The following PCDHA7 variants were observed in gnomAD, a reference collection of about 807,000 sequenced individuals.
The protein encoded by PCDHA7 is protocadherin alpha 7.
PCDHA7 carries 37 observed loss-of-function variants against 57.2 expected under a neutral mutation model. The observed-to-expected ratio is 0.65, with a 90% confidence interval of 0.50 to 0.85. PCDHA7 has a LOEUF of 0.85. Ranked by LOEUF, PCDHA7 falls within the 40% of genes least tolerant of loss-of-function variation. PCDHA7 has a pLI of 0.00. For missense variants in PCDHA7, 1,188 were observed against 1,241.8 expected, an observed-to-expected ratio of 0.96 and a Z score of 0.65; for synonymous variants, 553 against 558.8, an observed-to-expected ratio of 0.99 and a Z score of 0.15.
intron 1 of PCDHA7, chr5:140,877,395 C>T (rs375548936): frequency 4.3e-6 from 7 of 1,613,958 alleles, no homozygotes; most frequent in Middle Eastern, 1.6e-4. Flanking sequence ...ATGAGGCGGA[C>T]GCTCCGCGCC....
chr5:141,010,031 A>G lies in PCDHA7; in HGVS notation c.*94A>G, dbSNP rs113710382. The stretch of plus-strand genomic sequence containing the variant: ...TTCCCTGCTCCTTTTTCCTATCTAC[A>G]TGAGCCCTCTTAGAGACCTCAGAAA... On this transcript the variant is annotated 3_prime_UTR_variant, in exon 4 of 4. Transcript: ENST00000525929. 1.9e-6 allele frequency: 3 copies of G among 1,581,690 alleles called. No individual in the cohort carries two copies. The highest frequency in any genetic ancestry group is 2.6e-6 in the Non-Finnish European group (3 of 1,166,446).
At chr5:140,898,930 G>A (rs2067050521) in intron 1 of PCDHA7, among the ~76,000 whole-genome samples, 1 of 152,054 alleles carries the variant, frequency 6.6e-6, no homozygotes, top group African/African-American at 2.4e-5. Context: ...GGATTCCTAA[G>A]TATTTTATTC....
At chr5:140,883,244 G>C in intron 1 of PCDHA7, 3 of 1,614,014 alleles carry the variant, frequency 1.9e-6, no homozygotes, top group Non-Finnish European at 2.5e-6. Context: ...AGTTGACAAA[G>C]GAAATATTCC....
chr5:140,878,318 C>T (rs2057536608), intron 1 of PCDHA7, among the ~76,000 whole-genome samples: 1 of 152,176 alleles, frequency 6.6e-6, no homozygotes, highest in African/African-American at 2.4e-5. Context: ...TAGACATTTT[C>T]ACATTATATT....
intron 1 of PCDHA7, chr5:140,883,898 C>A (rs781898009): frequency 6.2e-7 from 1 of 1,613,344 alleles, no homozygotes; most frequent in South Asian, 1.1e-5. Flanking sequence ...TGGCGTGCCG[C>A]CTCTGGGCAG....
chr5:140,955,006 C>T (rs1304080416), intron 1 of PCDHA7, among the ~76,000 whole-genome samples: 1 of 152,154 alleles, frequency 6.6e-6, no homozygotes, highest in African/African-American at 2.4e-5. Flanking sequence ...AGCCAATTCT[C>T]CCAGCACCAT....
intron 1 of PCDHA7, chr5:140,861,630 G>A (rs2047000934): frequency 6.3e-6 from 2 of 317,346 alleles, no homozygotes; most frequent in Admixed American, 6.9e-5. Flanking sequence ...AGTGTTCTCA[G>A]CAACACAAAA....
At position 140,835,944 on chromosome 5, in the gene PCDHA7, C is replaced by T. The variant is rs2150248798; in HGVS notation, c.1561C>T (p.Gln521Ter). The T allele has an allele frequency of 1.2e-6, 2 of 1,612,686 alleles. No homozygotes were observed. Among genetic ancestry groups the T allele is most frequent in the Admixed American group, 1.7e-5 (1 of 60,010 alleles). ...HAESGKVYAL[Q>*]PLDHEELELL... ...GGAGAGCGGCAAGGTGTACGCGCTG[C>T]AGCCGTTGGACCACGAGGAGCTGGA... Residue 521 changes from glutamine to a stop codon, truncating the protein, a stop_gained, in exon 1 of 4, where the codon CAG becomes TAG. Transcript: ENST00000525929. LOFTEE classifies it high-confidence loss of function.
At chr5:140,884,634 G>A in intron 1 of PCDHA7, 1 of 1,612,414 alleles carries the variant, frequency 6.2e-7, no homozygotes, top group Non-Finnish European at 8.5e-7. Context: ...ACAGGCCAGA[G>A]GGAGGAGGAC....
Position 140,857,664 on chromosome 5 carries a change from G to C in PCDHA7, c.2355+20926G>C, listed in dbSNP as rs201104305. Reference sequence around the variant, plus strand: ...CAGTTCCAGGTGAGCGCGCGCGATGGGGGCGTGCCGCCTCTGGGCAGCAAC... The same window carrying C: ...CAGTTCCAGGTGAGCGCGCGCGATGCGGGCGTGCCGCCTCTGGGCAGCAAC... On this transcript the variant is annotated intron_variant, in intron 1 of 3. Transcript: ENST00000525929. 3.7e-5 allele frequency: 59 copies of C among 1,591,986 alleles called. 7 individuals are homozygous for C. The highest frequency in any genetic ancestry group is 8.9e-5 in the East Asian group (4 of 44,792).
chr5:140,850,473 A>T lies in PCDHA7; in HGVS notation c.2355+13735A>T, dbSNP rs1320071862. 8.8e-6 allele frequency: 14 copies of T among 1,597,572 alleles called. 1 individual carries two copies. The highest frequency in any genetic ancestry group is 1.2e-5 in the Non-Finnish European group (14 of 1,167,568). On this transcript the variant is annotated intron_variant, in intron 1 of 3. Transcript: ENST00000525929. ...GAAAGACCACGGGGAGCCAGCGCTGACGGCCACGGCCACTGTGCTGGTGTC... is the reference window on the plus strand; with the variant it reads ...GAAAGACCACGGGGAGCCAGCGCTGTCGGCCACGGCCACTGTGCTGGTGTC...
intron 1 of PCDHA7, among the ~76,000 whole-genome samples, chr5:140,934,122 TATTA>T (rs2153618298): frequency 6.6e-6 from 1 of 152,300 alleles, no homozygotes; most frequent in East Asian, 1.9e-4. Flanking sequence ...TTTCATACTT[TATTA>T]ATTTATTTCC....
In PCDHA7 at chr5:140,927,984, A is replaced by G. The variant is rs112872627; in HGVS notation, c.2356-50965A>G. 5.7e-5 allele frequency: 92 copies of G among 1,614,218 alleles called. 4 individuals are homozygous for G. In the African/African-American group the frequency reaches 7.1e-4, roughly 12 times the overall value. Reference sequence around the variant, plus strand: ...GCACAGTGATTGCTCTCTTTAGTGTAAAGGATGAAGACCTCGATTCTAATG... The same window carrying G: ...GCACAGTGATTGCTCTCTTTAGTGTGAAGGATGAAGACCTCGATTCTAATG... On this transcript the variant is annotated intron_variant, in intron 1 of 3. Coordinates refer to ENST00000525929, the MANE Select transcript of PCDHA7 (RefSeq NM_018910.3).
At chr5:140,989,437 A>G (rs1330784508) in intron 3 of PCDHA7, among the ~76,000 whole-genome samples, 1 of 152,138 alleles carries the variant, frequency 6.6e-6, no homozygotes, top group East Asian at 1.9e-4. Flanking sequence ...AAAATTGCTG[A>G]GGTTGTTTAG....
chr5:140,978,978 C>T lies in PCDHA7; in HGVS notation c.2385C>T (p.Tyr795=). Residue 795 remains tyrosine (Y), a synonymous_variant, in exon 2 of 4, where the codon TAC becomes TAT. Coordinates refer to ENST00000525929, the MANE Select transcript of PCDHA7 (RefSeq NM_018910.3). ...NPRQPNPDWR[Y]SASLRAGMHS... ...GACAGCCCAACCCTGACTGGCGTTA[C>T]TCTGCCTCCCTGAGAGCAGGCATGC... 1 of 1,614,204 alleles carries T rather than the reference C, an allele frequency of 6.2e-7. No homozygotes were observed. The highest frequency in any genetic ancestry group is 8.5e-7 in the Non-Finnish European group (1 of 1,180,030).
chr5:140,967,324 G>A, intron 1 of PCDHA7: 4 of 1,609,186 alleles, frequency 2.5e-6, no homozygotes, highest in Non-Finnish European at 3.4e-6. Context: ...AGACCTACGA[G>A]CTCAGCCCCA....
At chr5:141,007,395 C>CAAAA (rs35800918) in intron 3 of PCDHA7, among the ~76,000 whole-genome samples, 7 of 94,852 alleles carry the variant, frequency 7.4e-5, no homozygotes, top group East Asian at 2.9e-4. Context: ...TACTAAAATA[C>CAAAA]AAAAAAAAAA....
At position 140,857,227 on chromosome 5, in the gene PCDHA7, G is replaced by T. The variant is rs148283153; in HGVS notation, c.2355+20489G>T. On this transcript the variant is annotated intron_variant, in intron 1 of 3. Transcript: ENST00000525929. ...CCTGCTCTCTGACGCCTCACGTTCC[G>T]TTCAAGCTGGTGTCCACCTACAAGA... is the stretch of plus-strand genomic sequence containing the variant. The T allele has an allele frequency of 7.5e-6, 12 of 1,598,330 alleles. No homozygotes were observed. In the African/African-American group the frequency reaches 1.5e-4, roughly 20 times the overall value.
chr5:140,892,578 T>G (rs2063581965), intron 1 of PCDHA7, among the ~76,000 whole-genome samples: 1 of 152,178 alleles, frequency 6.6e-6, no homozygotes, highest in Non-Finnish European at 1.5e-5. Context: ...AAAGTATATC[T>G]CAGTATTCAT....
Sources: allele counts gnomAD v4.1 joint callset (sites outside exome capture counted in the v4.1 genomes callset), GRCh38; gene constraint gnomAD v4.1.1; transcripts MANE v1.5; gene names NCBI Gene and HGNC (gene_info 2026-07-23, HGNC 2026-07-21).